WDFY4: variants seen among roughly 807,000 people sequenced by gnomAD.
The protein encoded by WDFY4 is WD repeat- and FYVE domain-containing protein 4.
Under a neutral mutation model 351.9 loss-of-function variants are expected in WDFY4, and 169 were observed. The ratio of observed to expected loss-of-function variants is 0.48; its 90% CI spans 0.42 to 0.55. WDFY4 has a LOEUF of 0.55. Among genes scored for constraint, WDFY4 ranks in the 20% least tolerant of loss-of-function variants. The pLI, the probability that WDFY4 is intolerant of heterozygous loss-of-function variation, is 0.00. For synonymous variants in WDFY4, 1,622 were observed against 1,574.6 expected (o/e 1.03, Z -0.71); for missense variants, 3,803 against 3,935.6 (o/e 0.97, Z 0.90).
intron 11 of WDFY4, among the ~76,000 whole-genome samples, chr10:48,740,798 T>C (rs542884344): frequency 1.3e-5 from 2 of 152,312 alleles, no homozygotes; most frequent in South Asian, 4.1e-4. Context: ...TGATGCTGGG[T>C]TTCTTTCAAA....
At chr10:48,851,140 C>A (rs2068943211) in intron 39 of WDFY4, among the ~76,000 whole-genome samples, 1 of 152,188 alleles carries the variant, frequency 6.6e-6, no homozygotes, top group Non-Finnish European at 1.5e-5. Context: ...AAAAAGGAGA[C>A]TGAAATCCAG....
intron 13 of WDFY4, among the ~76,000 whole-genome samples, chr10:48,766,795 T>C (rs182560629): frequency 2.6e-5 from 4 of 152,284 alleles, no homozygotes; most frequent in Admixed American, 2.6e-4. Context: ...TTTCTCTGTA[T>C]CTCAATTTCA....
rs41282011 is a variant in WDFY4 at position 48,796,327 on chromosome 10, C to T, written c.4287C>T (p.Ala1429=). 0.064 allele frequency: 98,823 copies of T among 1,552,084 alleles called. 6,186 individuals are homozygous for T. Among genetic ancestry groups the T allele is most frequent in the East Asian group, 0.36 (14,852 of 40,884 alleles). The change falls in exon 24 of 62, where the codon GCC becomes GCT. Residue 1429 remains alanine, a synonymous_variant. Transcript: ENST00000325239. ...QIMAFLLRKK[A]SLLNHRIFQL... is the part of the protein sequence containing the mutation. ...TGGCGTTTCTCCTGAGGAAGAAGGCCTCTCTCCTGAACCATCGAATTTTTC... is the reference window on the plus strand; with the variant it reads ...TGGCGTTTCTCCTGAGGAAGAAGGCTTCTCTCCTGAACCATCGAATTTTTC...
At chr10:48,804,678 G>A (rs1341483985) in intron 25 of WDFY4, 1 of 978,162 alleles carries the variant, frequency 1.0e-6, no homozygotes, top group Non-Finnish European at 1.2e-6. Context: ...TCCTGTACCT[G>A]TACCAGTTGT....
intron 13 of WDFY4, among the ~76,000 whole-genome samples, chr10:48,772,695 C>G (rs1445457346): frequency 6.8e-6 from 1 of 148,020 alleles, no homozygotes; most frequent in African/African-American, 2.6e-5. Context: ...ATCCCTCCCC[C>G]TTACCCCCAC....
chr10:48,731,222 C>G lies in WDFY4; in HGVS notation c.1242C>G (p.Ala414=). ...QVLSVIRTMW[A]WNARNFFLLE... is the part of the protein sequence containing the mutation. ...TGTCAGTCATCAGGACCATGTGGGC[C>G]TGGAATGCTCGAAACTTCTTCCTGC... Residue 414 remains alanine, a synonymous_variant, in exon 9 of 62, where the codon GCC becomes GCG. Transcript: ENST00000325239. 6.4e-7 allele frequency: 1 copy of G among 1,551,912 alleles called. No individual in the cohort carries two copies. Among genetic ancestry groups the G allele is most frequent in the African/African-American group, 1.4e-5 (1 of 73,196 alleles).
In WDFY4 at chr10:48,869,135, C is replaced by T. The variant is rs898025805; in HGVS notation, c.6741+1793C>T. On this transcript the variant is annotated intron_variant, in intron 40 of 61. Transcript: ENST00000325239. The stretch of plus-strand genomic sequence containing the variant: ...AAGAATGAAGATATAATAACATCTG[C>T]CATAGATAATGGGATGTGGACCTTT... Among the ~76,000 whole-genome samples the T allele has an allele frequency of 1.1e-4, 17 of 152,316 alleles. No individual in the cohort carries two copies. In the East Asian group the frequency reaches 1.2e-3, roughly 10 times the overall value.
At chr10:48,935,311 C>G (rs1840284957) in intron 47 of WDFY4, 1 of 152,232 alleles carries the variant, frequency 6.6e-6, no homozygotes, top group Non-Finnish European at 1.5e-5. Flanking sequence ...GAAAGGGTCT[C>G]TAAGACACTC....
At chr10:48,787,805 TC>T (rs2066456558) in intron 20 of WDFY4, among the ~76,000 whole-genome samples, 1 of 91,986 alleles carries the variant, frequency 1.1e-5, no homozygotes, top group South Asian at 4.7e-4. Context: ...CTCCTCCTCC[TC>T]CTCTTCTTCT....
chr10:48,821,013 C>T (rs1402849861), intron 33 of WDFY4, 49 bp from the exon 34 acceptor site: 2 of 1,362,516 alleles, frequency 1.5e-6, no homozygotes, highest in Non-Finnish European at 2.0e-6. Flanking sequence ...GCACTGGGTG[C>T]ACACGATGGC....
At chr10:48,788,699 A>C in intron 21 of WDFY4, 24 bp downstream of exon 21, 1 of 1,550,390 alleles carries the variant, frequency 6.4e-7, no homozygotes, top group African/African-American at 1.4e-5. Flanking sequence ...CTTCGCTGCT[A>C]ATCTCTGTTG....
intron 41 of WDFY4, among the ~76,000 whole-genome samples, chr10:48,874,368 T>A (rs752019552): frequency 4.6e-5 from 7 of 152,236 alleles, no homozygotes; most frequent in Non-Finnish European, 7.3e-5. Flanking sequence ...TTTTCATGTC[T>A]TTATTGAATG....
chr10:48,774,197 C>T (rs949962710), intron 13 of WDFY4, among the ~76,000 whole-genome samples: 7 of 152,198 alleles, frequency 4.6e-5, no homozygotes, highest in Admixed American at 4.6e-4. Context: ...ATGTGGCCTC[C>T]ATCTTTAGCC....
At chr10:48,691,925 G>A (rs1359469554) in intron 1 of WDFY4, among the ~76,000 whole-genome samples, 1 of 152,202 alleles carries the variant, frequency 6.6e-6, no homozygotes, top group African/African-American at 2.4e-5. Flanking sequence ...GGTGGCAGAT[G>A]CTATAACAGA....
intron 23 of WDFY4, among the ~76,000 whole-genome samples, chr10:48,793,973 A>G (rs2132768634): frequency 6.6e-6 from 1 of 152,316 alleles, no homozygotes; most frequent in South Asian, 2.1e-4. Context: ...ATATGGGGAA[A>G]GAGGAGGATA....
intron 42 of WDFY4, among the ~76,000 whole-genome samples, chr10:48,875,509 G>A (rs528302170): frequency 6.6e-6 from 1 of 152,128 alleles, no homozygotes; most frequent in African/African-American, 2.4e-5. Flanking sequence ...CCACCTCCTG[G>A]GCTCACACAA....
rs1224807995 is a variant in WDFY4 at position 48,723,353 on chromosome 10, G to T, written c.457-80G>T. The T allele has an allele frequency of 1.2e-5, 18 of 1,493,342 alleles. No homozygotes were observed. The Middle Eastern group carries it at 7.1e-4, about 59-fold the overall frequency. The allele number at this position is 1,493,342 out of a possible 1,614,324, so 92.5% of individuals were successfully genotyped here. The stretch of plus-strand genomic sequence containing the variant: ...GTCCCATGGCCTCACTGAAATGGCT[G>T]CAGGGGCCTGATCCTGGGTCTGGGC... On this transcript the variant is annotated intron_variant, in intron 4 of 61. Coordinates refer to ENST00000325239, the MANE Select transcript of WDFY4 (RefSeq NM_001394531.1).
chr10:48,780,110 C>T lies in WDFY4; in HGVS notation c.3567C>T (p.Gly1189=), dbSNP rs762861893. The stretch of plus-strand genomic sequence containing the variant: ...CCTGTCTGGATGGACAGGTCATTGG[C>T]TCTGCCAAGGTGAGATGGCTCCTCC... The part of the protein sequence containing the change: ...VSTCLDGQVI[G]SAKMLYIQAL... Residue 1189 remains glycine (G), a synonymous_variant, in exon 19 of 62, where the codon GGC becomes GGT. Coordinates refer to ENST00000325239, the MANE Select transcript of WDFY4 (RefSeq NM_001394531.1). 3 of 1,551,858 alleles carry T rather than the reference C, an allele frequency of 1.9e-6. No individual in the cohort carries two copies. The African/African-American group carries it at 4.1e-5, about 21-fold the overall frequency.
In WDFY4 at chr10:48,822,496, C is replaced by A. The variant is rs571808731; in HGVS notation, c.5941C>A (p.Pro1981Thr). 309 of 1,549,482 alleles carry A rather than the reference C, an allele frequency of 2.0e-4. 3 individuals carry two copies. The South Asian group carries it at 3.1e-3, about 16-fold the overall frequency. Reference protein sequence around the residue: ...KLYSGMFSADPRHILLFILEH... With the variant: ...KLYSGMFSADTRHILLFILEH... ...GTACAGTGGGATGTTCTCGGCAGAC[C>A]CCAGGCATATCCTCCTCTTCATCCT... is the stretch of plus-strand genomic sequence containing the variant. Residue 1981 changes from proline to threonine, a missense_variant, in exon 35 of 62, where the codon CCC (proline) becomes ACC (threonine). Pro to Thr is a conservative substitution (Grantham distance 38). Around this residue, in one of 3 missense-constraint regions of WDFY4, gnomAD observed 3,054 missense variants for 3,148.6 expected, o/e 0.97. Transcript: ENST00000325239.
Sources: allele counts gnomAD v4.1 joint callset (sites outside exome capture counted in the v4.1 genomes callset), GRCh38; gene constraint gnomAD v4.1.1; regional missense constraint gnomAD v4.1.1; transcripts MANE v1.5; gene names NCBI Gene and HGNC (gene_info 2026-07-23, HGNC 2026-07-21).